The following PCDH15 variants were observed in gnomAD, a reference collection of about 807,000 sequenced individuals.
PCDH15 encodes the protein protocadherin-15.
Under a neutral mutation model 178.5 loss-of-function variants are expected in PCDH15, and 129 were observed. The observed-to-expected ratio is 0.72, with a 90% CI of 0.63 to 0.84. The LOEUF (loss-of-function observed/expected upper bound fraction) is 0.84. Ranked by LOEUF, PCDH15 falls within the 40% of genes least tolerant of loss-of-function variation. The probability of loss-of-function intolerance (pLI) is 0.00; values close to 1 mark genes in which losing one functional copy is unlikely to be tolerated. For missense variants in PCDH15, 2,230 were observed against 2,099.9 expected, an observed-to-expected ratio of 1.06 and a Z score of -1.21; for synonymous variants, 800 against 732.0, an observed-to-expected ratio of 1.09 and a Z score of -1.50.
chr10:55,559,429 C>G (rs907778911), intron 2 of PCDH15, among the ~76,000 whole-genome samples: 5 of 151,914 alleles, frequency 3.3e-5, no homozygotes, highest in African/African-American at 1.2e-4. Context: ...TTTTCAAAAG[C>G]AAATCATATG....
chr10:54,780,613 G>A (rs902653266), intron 1 of PCDH15, among the ~76,000 whole-genome samples: 3 of 151,800 alleles, frequency 2.0e-5, no homozygotes, highest in African/African-American at 4.8e-5. Flanking sequence ...TTTTGAGGAA[G>A]GAAAGCTTAG....
intron 4 of PCDH15, among the ~76,000 whole-genome samples, chr10:54,375,377 G>A (rs577782699): frequency 5.9e-5 from 9 of 152,074 alleles, no homozygotes; most frequent in Non-Finnish European, 1.3e-4. Flanking sequence ...TATGCACAGA[G>A]AAAGGCAGAA....
At chr10:55,525,129 T>C (rs1355853615) in intron 2 of PCDH15, among the ~76,000 whole-genome samples, 2 of 151,770 alleles carry the variant, frequency 1.3e-5, no homozygotes, top group African/African-American at 4.8e-5. Context: ...CTCTGAAATG[T>C]AGAGTAGGTT....
At chr10:54,519,762 C>G (rs77226366) in intron 3 of PCDH15, among the ~76,000 whole-genome samples, 2 of 152,258 alleles carry the variant, frequency 1.3e-5, no homozygotes, top group African/African-American at 4.8e-5. Flanking sequence ...CAAGTCAATC[C>G]TAAGCCAAAA....
chr10:54,142,515 A>G (rs1364139256), intron 14 of PCDH15, among the ~76,000 whole-genome samples: 2 of 152,256 alleles, frequency 1.3e-5, no homozygotes, highest in East Asian at 3.9e-4. Context: ...TTTGAGGGAC[A>G]AACTCAGTTC....
chr10:54,611,584 A>G lies in PCDH15; in HGVS notation c.91+52588T>C, dbSNP rs571724319. Among the ~76,000 whole-genome samples, 4 of 152,010 alleles carry G rather than the reference A, an allele frequency of 2.6e-5. No individual in the cohort carries two copies. In the South Asian group the frequency reaches 8.3e-4, roughly 31 times the overall value. The stretch of plus-strand genomic sequence containing the variant: ...ATGTTAAGGAGAACAGAATTCAAAG[A>G]GTCTGGTCCCTTTTGCACAGTGACA... On this transcript the variant is annotated intron_variant, in intron 2 of 37. Coordinates refer to ENST00000644397, the MANE Select transcript of PCDH15 (RefSeq NM_001384140.1).
At chr10:54,101,905 G>A (rs2094819551) in intron 15 of PCDH15, among the ~76,000 whole-genome samples, 2 of 152,092 alleles carry the variant, frequency 1.3e-5, no homozygotes, top group Non-Finnish European at 2.9e-5. Flanking sequence ...AGCCCTGGAG[G>A]TGGAGGCTGC....
intron 8 of PCDH15, among the ~76,000 whole-genome samples, chr10:54,243,412 C>A (rs543807366): frequency 3.9e-5 from 6 of 152,148 alleles, no homozygotes; most frequent in African/African-American, 1.4e-4. Flanking sequence ...GAGGCATAGG[C>A]AGGAGAATGG....
chr10:55,314,442 C>T (rs1481514550), intron 1 of PCDH15, among the ~76,000 whole-genome samples: 1 of 151,882 alleles, frequency 6.6e-6, no homozygotes, highest in Admixed American at 6.6e-5. Context: ...GAAACCCTGG[C>T]TCTCATCATA....
chr10:55,377,502 TTATATTTAGTAAAATAGCTTAC>T (rs1330107145), intron 2 of PCDH15, among the ~76,000 whole-genome samples: 3 of 152,102 alleles, frequency 2.0e-5, no homozygotes, highest in South Asian at 2.1e-4. Context: ...ACTATATTTT[TTATATTTAGTAAAATAGCTTAC>T]TATATTTAGT....
chr10:54,487,128 A>G (rs1187654178), intron 3 of PCDH15, among the ~76,000 whole-genome samples: 1 of 152,096 alleles, frequency 6.6e-6, no homozygotes, highest in East Asian at 1.9e-4. Flanking sequence ...GAGTATTTTA[A>G]AAGGATATAT....
At chr10:55,448,582 T>C (rs564197751) in intron 2 of PCDH15, among the ~76,000 whole-genome samples, 14 of 152,102 alleles carry the variant, frequency 9.2e-5, no homozygotes, top group African/African-American at 3.4e-4. Context: ...TAGAACTTCT[T>C]ACTAGTTATT....
At chr10:54,257,903 G>A (rs1043686640) in intron 8 of PCDH15, among the ~76,000 whole-genome samples, 1 of 152,006 alleles carries the variant, frequency 6.6e-6, no homozygotes, top group Non-Finnish European at 1.5e-5. Flanking sequence ...ATAAAAAATT[G>A]CTAAGGAACA....
intron 18 of PCDH15, among the ~76,000 whole-genome samples, chr10:54,045,342 C>T (rs1366931171): frequency 1.3e-5 from 2 of 152,066 alleles, no homozygotes; most frequent in Non-Finnish European, 2.9e-5. Flanking sequence ...GTAAGGGTCC[C>T]ATTAAACCAA....
At chr10:54,975,257 G>C (rs1839039814) in intron 2 of PCDH15, among the ~76,000 whole-genome samples, 1 of 152,250 alleles carries the variant, frequency 6.6e-6, no homozygotes, top group East Asian at 1.9e-4. Flanking sequence ...AGATATTCTT[G>C]AGGTCACTCC....
intron 18 of PCDH15, among the ~76,000 whole-genome samples, chr10:54,063,594 G>T (rs1236560192): frequency 6.6e-6 from 1 of 152,106 alleles, no homozygotes; most frequent in African/African-American, 2.4e-5. Context: ...ACCTCTGCGG[G>T]TGGTGGCGCC....
chr10:54,075,301 C>CG (rs2094320916), intron 17 of PCDH15, among the ~76,000 whole-genome samples: 1 of 151,886 alleles, frequency 6.6e-6, no homozygotes, highest in South Asian at 2.1e-4. Context: ...GGCCTGAACC[C>CG]GGGAGGCGGA....
intron 26 of PCDH15, among the ~76,000 whole-genome samples, chr10:53,877,906 T>C (rs2080361311): frequency 6.6e-6 from 1 of 152,126 alleles, no homozygotes; most frequent in East Asian, 1.9e-4. Flanking sequence ...ATCTCACTTT[T>C]AACTCTAGCG....
At chr10:55,250,534 CT>C (rs777000807) in intron 1 of PCDH15, among the ~76,000 whole-genome samples, 1,506 of 107,934 alleles carry the variant, frequency 0.014, 6 homozygotes, top group African/African-American at 0.041. Flanking sequence ...TAAATAAATT[CT>C]TTTTTTTTTT....
Sources: allele counts gnomAD v4.1 joint callset (sites outside exome capture counted in the v4.1 genomes callset), GRCh38; gene constraint gnomAD v4.1.1; transcripts MANE v1.5; gene names NCBI Gene and HGNC (gene_info 2026-07-23, HGNC 2026-07-21).